The following HMCN1 variants were observed in gnomAD, a reference collection of about 807,000 sequenced individuals.
The protein encoded by HMCN1 is hemicentin-1.
HMCN1 carries 321 observed loss-of-function variants against 625.9 expected under a neutral mutation model. That is an observed-to-expected ratio of 0.51 (90% CI 0.47 to 0.56). The LOEUF (loss-of-function observed/expected upper bound fraction) is 0.56, where lower values mean the gene tolerates loss of function less well. Among genes scored for constraint, HMCN1 ranks in the 20% least tolerant of loss-of-function variants. The pLI is 0.00. For synonymous variants in HMCN1, 2,425 were observed against 2,417.6 expected (o/e 1.00, Z -0.09); for missense variants, 6,588 against 6,887.3 (o/e 0.96, Z 1.54).
intron 102 of HMCN1, among the ~76,000 whole-genome samples, chr1:186,172,586 C>CT (rs1348004156): frequency 7.2e-5 from 11 of 152,070 alleles, no homozygotes; most frequent in Admixed American, 2.0e-4. Flanking sequence ...AAAATTTATG[C>CT]TTTGCCTGTC....
chr1:185,758,275 T>C (rs1408650467), intron 1 of HMCN1, among the ~76,000 whole-genome samples: 1 of 152,322 alleles, frequency 6.6e-6, no homozygotes, highest in East Asian at 1.9e-4. Flanking sequence ...ATTATTTAAC[T>C]TTATAGTGGA....
At chr1:186,186,308 C>G (rs1481762272) in intron 105 of HMCN1, among the ~76,000 whole-genome samples, 1 of 152,200 alleles carries the variant, frequency 6.6e-6, no homozygotes, top group East Asian at 1.9e-4. Flanking sequence ...GGGTGGATCA[C>G]CAAAGGTCAG....
intron 36 of HMCN1, among the ~76,000 whole-genome samples, chr1:186,029,727 T>C (rs886816734): frequency 2.6e-5 from 4 of 151,892 alleles, no homozygotes; most frequent in African/African-American, 9.7e-5. Context: ...TCTATTTAAT[T>C]TGTATATACT....
chr1:185,968,709 A>G (rs975746020), intron 14 of HMCN1, among the ~76,000 whole-genome samples: 3 of 152,008 alleles, frequency 2.0e-5, no homozygotes, highest in African/African-American at 4.8e-5. Flanking sequence ...AACTCTCCTC[A>G]ATGGTAATGA....
chr1:185,967,350 C>A (rs937533618), intron 14 of HMCN1, among the ~76,000 whole-genome samples: 19 of 152,176 alleles, frequency 1.2e-4, no homozygotes, highest in African/African-American at 4.1e-4. Context: ...AAATAGGGAA[C>A]TAGGTACCCA....
At chr1:186,186,110 C>T (rs997979262) in intron 105 of HMCN1, among the ~76,000 whole-genome samples, 2 of 152,040 alleles carry the variant, frequency 1.3e-5, no homozygotes, top group African/African-American at 4.8e-5. Flanking sequence ...TTAACTCTCT[C>T]GGTTAAGGGA....
chr1:185,884,948 G>A lies in HMCN1; in HGVS notation c.621+19085G>A, dbSNP rs1310605376. ...TTGTTTTGTATAAACTGGTAAAATA[G>A]TATAGTTACAAATAACAGAAGACGT... On this transcript the variant is annotated intron_variant, in intron 4 of 106. Coordinates refer to ENST00000271588, the MANE Select transcript of HMCN1 (RefSeq NM_031935.3). Among the ~76,000 whole-genome samples, 3 of 151,916 alleles carry A rather than the reference G, an allele frequency of 2.0e-5. No homozygotes were observed. The East Asian group carries it at 5.8e-4, about 29-fold the overall frequency.
In HMCN1 at chr1:186,112,926, A is replaced by G; in HGVS notation, c.11104A>G (p.Thr3702Ala). 6.2e-7 allele frequency: 1 copy of G among 1,614,132 alleles called. No individual in the cohort carries two copies. Among genetic ancestry groups the G allele is most frequent in the South Asian group, 1.1e-5 (1 of 91,080 alleles). The stretch of plus-strand genomic sequence containing the variant: ...TGCCAGCAACATTGCAGGAAAGACT[A>G]CAAGAGAATTTATTCTCACTGTAAA... ...CVASNIAGKTTREFILTVNVP... is the reference protein window; with the variant it reads ...CVASNIAGKTAREFILTVNVP... The change falls in exon 72 of 107, where the codon ACA becomes GCA. Residue 3702 changes from threonine to alanine, a missense_variant. By Grantham distance (58) the Thr-to-Ala change is moderately conservative (BLOSUM62 0). This residue lies in a region of HMCN1 where 4,628 missense variants were observed against 4,853.1 expected (regional missense o/e 0.95). Transcript: ENST00000271588.
chr1:185,951,199 C>A (rs1336298549), intron 11 of HMCN1, among the ~76,000 whole-genome samples: 13 of 147,708 alleles, frequency 8.8e-5, no homozygotes, highest in South Asian at 2.2e-4. Flanking sequence ...GGAAGAAGGG[C>A]GGCAATGAGA....
At chr1:185,797,521 G>T (rs1658469975) in intron 1 of HMCN1, among the ~76,000 whole-genome samples, 1 of 152,114 alleles carries the variant, frequency 6.6e-6, no homozygotes, top group Non-Finnish European at 1.5e-5. Flanking sequence ...TGCCCAGGCT[G>T]GTCTTGAACT....
At chr1:186,035,905 G>C (rs1009591519) in intron 36 of HMCN1, among the ~76,000 whole-genome samples, 1 of 151,890 alleles carries the variant, frequency 6.6e-6, no homozygotes, top group African/African-American at 2.4e-5. Flanking sequence ...TTTCATATTC[G>C]TTATAACTGT....
rs770159462 is a variant in HMCN1 at position 186,120,122 on chromosome 1, G to A, written c.12206G>A (p.Gly4069Asp). 1 of 1,613,852 alleles carries A rather than the reference G, an allele frequency of 6.2e-7. No homozygotes were observed. The highest frequency in any genetic ancestry group is 8.5e-7 in the Non-Finnish European group (1 of 1,179,902). The change falls in exon 80 of 107, where the codon GGC becomes GAC. Residue 4069 changes from glycine (G) to aspartate (D), a missense_variant. Around this residue, in one of 3 missense-constraint regions of HMCN1, gnomAD observed 1,954 missense variants for 2,013.1 expected, o/e 0.97. Coordinates refer to ENST00000271588, the MANE Select transcript of HMCN1 (RefSeq NM_031935.3). The part of the protein sequence containing the change: ...VAQNPAGTAL[G>D]KIKLNVQVPP... ...CAGAACCCGGCTGGTACAGCCTTGG[G>A]CAAAATCAAGTTAAATGTCCAAGGT...
intron 2 of HMCN1, among the ~76,000 whole-genome samples, chr1:185,860,165 T>C (rs1453526724): frequency 6.6e-6 from 1 of 152,214 alleles, no homozygotes; most frequent in African/African-American, 2.4e-5. Flanking sequence ...TATGAATTAT[T>C]AGTTAACATT....
chr1:185,882,683 A>G (rs1558037075), intron 4 of HMCN1, among the ~76,000 whole-genome samples: 1 of 152,162 alleles, frequency 6.6e-6, no homozygotes, highest in African/African-American at 2.4e-5. Flanking sequence ...TGATGGAAAT[A>G]GCAAGTGAAG....
intron 4 of HMCN1, among the ~76,000 whole-genome samples, chr1:185,898,271 G>A (rs1665598779): frequency 6.6e-6 from 1 of 151,998 alleles, no homozygotes; most frequent in Non-Finnish European, 1.5e-5. Flanking sequence ...GTTAATCTGG[G>A]GCAATAGATT....
chr1:185,909,508 G>C lies in HMCN1; in HGVS notation c.793G>C (p.Gly265Arg). 6.2e-7 allele frequency: 1 copy of C among 1,611,042 alleles called. No homozygotes were observed. The highest frequency in any genetic ancestry group is 8.5e-7 in the Non-Finnish European group (1 of 1,177,492). Residue 265 changes from glycine (G) to arginine (R), a missense_variant and splice_region_variant, in exon 5 of 107, where the codon GGG becomes CGG. Around this residue, in one of 3 missense-constraint regions of HMCN1, gnomAD observed 4,628 missense variants for 4,853.1 expected, o/e 0.95. Coordinates refer to ENST00000271588, the MANE Select transcript of HMCN1 (RefSeq NM_031935.3). ...SPMIEIRNPL[G>R]KLIKKGFGLH... Reference sequence around the variant, plus strand: ...AATGATTGAAATTCGCAATCCTTTAGGTGAGATATATCAAACATCACATAA... The same window carrying C: ...AATGATTGAAATTCGCAATCCTTTACGTGAGATATATCAAACATCACATAA...
Position 186,178,609 on chromosome 1 carries a change from A to G in HMCN1, c.16137A>G (p.Arg5379=), listed in dbSNP as rs1162039924. The G allele has an allele frequency of 6.2e-7, 1 of 1,614,142 alleles. No individual in the cohort carries two copies. The highest frequency in any genetic ancestry group is 8.5e-7 in the Non-Finnish European group (1 of 1,180,006). ...ACCTTGCACGGTTCTCCCCTGTGAG[A>G]AACAACTATCAACCTCAACAGCATT... The part of the protein sequence containing the change: ...SYNLARFSPV[R]NNYQPQQHYR... Residue 5379 remains arginine (R), a synonymous_variant, in exon 104 of 107, where the codon AGA becomes AGG. Transcript: ENST00000271588.
intron 98 of HMCN1, 84 bp from the exon 99 acceptor site, chr1:186,166,100 A>T: frequency 6.8e-7 from 1 of 1,470,844 alleles, no homozygotes; most frequent in Non-Finnish European, 9.4e-7. Flanking sequence ...GGCCTCTATA[A>T]GCAGTTATTT....
intron 14 of HMCN1, among the ~76,000 whole-genome samples, chr1:185,966,869 A>C (rs958585832): frequency 6.6e-6 from 1 of 152,136 alleles, no homozygotes; most frequent in African/African-American, 2.4e-5. Context: ...GAAAATAAAT[A>C]GTTTTAAATA....
Sources: allele counts gnomAD v4.1 joint callset (sites outside exome capture counted in the v4.1 genomes callset), GRCh38; gene constraint gnomAD v4.1.1; regional missense constraint gnomAD v4.1.1; transcripts MANE v1.5; gene names NCBI Gene and HGNC (gene_info 2026-07-23, HGNC 2026-07-21).